Variants in GALNT18 observed in about 807,000 individuals in gnomAD.
The protein encoded by GALNT18 is GalNAc-transferase 18.
In GALNT18, 44 loss-of-function variants were observed where a neutral mutation model predicts 69.5. The observed-to-expected ratio is 0.63, with a 90% CI of 0.50 to 0.81. The LOEUF (loss-of-function observed/expected upper bound fraction) is 0.81. Ranked by LOEUF, GALNT18 falls within the 40% of genes least tolerant of loss-of-function variation. The pLI, the probability that GALNT18 is intolerant of heterozygous loss-of-function variation, is 0.00. For synonymous variants in GALNT18, 364 were observed against 318.2 expected (o/e 1.14, Z -1.53); for missense variants, 715 against 810.0 (o/e 0.88, Z 1.42).
rs976725527 is a variant in GALNT18, at chr11:11,600,985, C to T, written c.235+20374G>A. Among the ~76,000 whole-genome samples, 3 of 109,450 alleles carry T rather than the reference C, an allele frequency of 2.7e-5. No homozygotes were observed. The highest frequency in any genetic ancestry group is 2.5e-4 in the South Asian group (1 of 3,936). 71.8% of individuals were successfully genotyped at this position (109,450 alleles called of 152,430 possible). A position where few individuals can be genotyped will look rare whatever the true frequency, so the allele number is the denominator to read the frequency against. On this transcript the variant is annotated intron_variant, in intron 1 of 10. Coordinates refer to ENST00000227756, the MANE Select transcript of GALNT18 (RefSeq NM_198516.3). The surrounding 1 kb of genome is among the most constrained non-coding windows in gnomAD (Gnocchi z 4.8). ...TTTCAAGTCCCAAATTTCCACTTAA[C>T]TATTTTCATAACTTATATCTTTTTA...
At chr11:11,567,580 C>T (rs922411024) in intron 1 of GALNT18, among the ~76,000 whole-genome samples, 2 of 152,194 alleles carry the variant, frequency 1.3e-5, no homozygotes, top group African/African-American at 4.8e-5. Context: ...TGTTCGTCAG[C>T]GGTGCTTCTT....
chr11:11,568,008 G>C (rs1256758242), intron 1 of GALNT18, among the ~76,000 whole-genome samples: 1 of 152,192 alleles, frequency 6.6e-6, no homozygotes, highest in African/African-American at 2.4e-5. Context: ...CCACTGCCAG[G>C]CATTGCCACG....
intron 10 of GALNT18, among the ~76,000 whole-genome samples, chr11:11,283,431 CTT>C (rs1043770329): frequency 1.1e-3 from 171 of 152,264 alleles, no homozygotes; most frequent in African/African-American, 3.8e-3. Flanking sequence ...ACAAGCAAGA[CTT>C]TGACTTTTAA....
rs1344492018 is a variant in GALNT18 at position 11,356,245 on chromosome 11, C to A, written c.1093-15241G>T. Among the ~76,000 whole-genome samples, 1 of 152,162 alleles carries A rather than the reference C, an allele frequency of 6.6e-6. No homozygotes were observed. Among genetic ancestry groups the A allele is most frequent in the African/African-American group, 2.4e-5 (1 of 41,420 alleles). On this transcript the variant is annotated intron_variant, in intron 6 of 10. Transcript: ENST00000227756. The surrounding 1 kb of genome is among the most constrained non-coding windows in gnomAD (Gnocchi z 4.4). The stretch of plus-strand genomic sequence containing the variant: ...AGTGTCAGAGGAGGAGGAGAAGGAA[C>A]CCTTGCTCAGTTTGTGGCAGTTCTT...
Position 11,563,245 on chromosome 11 carries a change from G to A in GALNT18, c.235+58114C>T, listed in dbSNP as rs1032944704. ...TTCACCTTGCACCTCCCCGGATCAA[G>A]AGACTTGGCTCTTCCTGGCTTTGTT... On this transcript the variant is annotated intron_variant, in intron 1 of 10. Coordinates refer to ENST00000227756, the MANE Select transcript of GALNT18 (RefSeq NM_198516.3). The surrounding 1 kb of genome is among the most constrained non-coding windows in gnomAD (Gnocchi z 4.6). Among the ~76,000 whole-genome samples, 3 of 152,182 alleles carry A rather than the reference G, an allele frequency of 2.0e-5. No individual in the cohort carries two copies. Among genetic ancestry groups the A allele is most frequent in the Non-Finnish European group, 4.4e-5 (3 of 68,034 alleles).
chr11:11,468,629 G>A (rs1856204913), intron 1 of GALNT18, among the ~76,000 whole-genome samples: 2 of 152,176 alleles, frequency 1.3e-5, no homozygotes, highest in Non-Finnish European at 2.9e-5. Context: ...AGCCAGGCCA[G>A]GTTGCAGGAC....
intron 1 of GALNT18, among the ~76,000 whole-genome samples, chr11:11,580,808 C>G (rs1172852794): frequency 1.3e-5 from 2 of 152,220 alleles, no homozygotes; most frequent in African/African-American, 4.8e-5. Flanking sequence ...ATGGACAGCT[C>G]TTTACCAGCT....
At chr11:11,361,712 G>A (rs1189766604) in intron 6 of GALNT18, among the ~76,000 whole-genome samples, 1 of 152,012 alleles carries the variant, frequency 6.6e-6, no homozygotes, top group African/African-American at 2.4e-5. Flanking sequence ...ATATGTGACT[G>A]GTCTGTAAAT....
chr11:11,373,924 C>T (rs553000593), intron 5 of GALNT18, among the ~76,000 whole-genome samples: 3 of 152,200 alleles, frequency 2.0e-5, no homozygotes, highest in Admixed American at 2.0e-4. Context: ...GATGAGAAAA[C>T]TGTCGGTCCA....
intron 1 of GALNT18, among the ~76,000 whole-genome samples, chr11:11,597,952 G>A (rs73413658): frequency 0.17 from 25,807 of 151,976 alleles, 2,385 homozygotes; most frequent in Middle Eastern, 0.27. Context: ...GAGCCACCGC[G>A]CCTGACCAAT....
rs1186211719 is a variant in GALNT18 at position 11,540,963 on chromosome 11, A to G, written c.235+80396T>C. On this transcript the variant is annotated intron_variant, in intron 1 of 10. Transcript: ENST00000227756. This position sits in a 1 kb window ranked among gnomAD's most constrained non-coding sequence, Gnocchi z 4.6. The stretch of plus-strand genomic sequence containing the variant: ...TCCAAATTGCTAAAAGATTTGTGCA[A>G]TGTTATGATTCTCTTTTCTTTGATG... Among the ~76,000 whole-genome samples the G allele has an allele frequency of 6.6e-6, 1 of 152,212 alleles. No homozygotes were observed. Among genetic ancestry groups the G allele is most frequent in the African/African-American group, 2.4e-5 (1 of 41,456 alleles).
chr11:11,508,736 T>C (rs2133909893), intron 1 of GALNT18, among the ~76,000 whole-genome samples: 1 of 152,346 alleles, frequency 6.6e-6, no homozygotes, highest in African/African-American at 2.4e-5. Flanking sequence ...ACTTTTTTCC[T>C]ATAGATGCAC....
intron 1 of GALNT18, among the ~76,000 whole-genome samples, chr11:11,503,662 T>G (rs1857015199): frequency 6.6e-6 from 1 of 152,246 alleles, no homozygotes; most frequent in Non-Finnish European, 1.5e-5. Context: ...TTCCTAATTT[T>G]GAGTCAAAAC....
At position 11,621,530 on chromosome 11, in the gene GALNT18, T is replaced by G; in HGVS notation, c.64A>C (p.Asn22His). The stretch of plus-strand genomic sequence containing the variant: ...CCCACGTAGAGCAGGCAGATGATGT[T>G]AGTCATGCCGCTCAGGATCACGCAA... The part of the protein sequence containing the change: ...STCVILSGMT[N>H]IICLLYVGWV... Residue 22 changes from asparagine to histidine, a missense_variant, in exon 1 of 11, where the codon AAC becomes CAC. Physicochemically the swap from Asn to His is moderately conservative, Grantham distance 68. Transcript: ENST00000227756. The surrounding 1 kb of genome is among the most constrained non-coding windows in gnomAD (Gnocchi z 9.3). The G allele has an allele frequency of 6.2e-7, 1 of 1,614,062 alleles. No homozygotes were observed. Among genetic ancestry groups the G allele is most frequent in the Non-Finnish European group, 8.5e-7 (1 of 1,179,996 alleles).
chr11:11,611,263 G>A (rs1003155833), intron 1 of GALNT18, among the ~76,000 whole-genome samples: 2 of 152,128 alleles, frequency 1.3e-5, no homozygotes, highest in African/African-American at 4.8e-5. Flanking sequence ...CACTTTATTA[G>A]AGCTTTCCTT....
At chr11:11,565,888 C>T (rs1023488643) in intron 1 of GALNT18, among the ~76,000 whole-genome samples, 1 of 152,174 alleles carries the variant, frequency 6.6e-6, no homozygotes, top group Non-Finnish European at 1.5e-5. Flanking sequence ...TGCACTAAAT[C>T]TTTAAGACAG....
rs538856184 is a variant in GALNT18, at chr11:11,365,054, C to T, written c.1092+7461G>A. Among the ~76,000 whole-genome samples, 9 of 151,962 alleles carry T rather than the reference C, an allele frequency of 5.9e-5. 1 individual carries two copies. The East Asian group carries it at 7.7e-4, about 13-fold the overall frequency. On this transcript the variant is annotated intron_variant, in intron 6 of 10. Coordinates refer to ENST00000227756, the MANE Select transcript of GALNT18 (RefSeq NM_198516.3). Reference sequence around the variant, plus strand: ...CATTATTTCTTCTAAAAATGGGATACGAGTGCAGAACATGCAGGTTTGTTC... The same window carrying T: ...CATTATTTCTTCTAAAAATGGGATATGAGTGCAGAACATGCAGGTTTGTTC...
In GALNT18 at chr11:11,341,675, A is replaced by G. The variant is rs1850209782; in HGVS notation, c.1093-671T>C. 6.6e-6 allele frequency among the ~76,000 whole-genome samples: 1 copy of G among 152,214 alleles called. No homozygotes were observed. The highest frequency in any genetic ancestry group is 2.4e-5 in the African/African-American group (1 of 41,460). ...TAAGTGTTAATGGGCAGCATCTCAA[A>G]GCTCTCGCTACAATCTTTCCAGCCA... On this transcript the variant is annotated intron_variant, in intron 6 of 10. Transcript: ENST00000227756. This position sits in a 1 kb window ranked among gnomAD's most constrained non-coding sequence, Gnocchi z 6.3.
intron 3 of GALNT18, among the ~76,000 whole-genome samples, chr11:11,379,575 T>C (rs1471037919): frequency 6.6e-6 from 1 of 152,360 alleles, no homozygotes; most frequent in African/African-American, 2.4e-5. Context: ...CAAAAGATTT[T>C]ATCAAGTTCT....
Sources: allele counts gnomAD v4.1 joint callset (sites outside exome capture counted in the v4.1 genomes callset), GRCh38; gene constraint gnomAD v4.1.1; non-coding constraint Gnocchi (gnomAD v3.1); transcripts MANE v1.5; gene names NCBI Gene and HGNC (gene_info 2026-07-23, HGNC 2026-07-21).